The following PRR29 variants were observed in gnomAD, a reference collection of about 807,000 sequenced individuals.
The protein encoded by PRR29 is proline-rich protein 29.
PRR29 carries 20 observed loss-of-function variants against 25.1 expected under a neutral mutation model. The observed-to-expected ratio is 0.80, with a 90% confidence interval of 0.56 to 1.16. The LOEUF is 1.16. Among genes scored for constraint, PRR29 ranks in the 50% most tolerant of loss-of-function variants. PRR29 has a pLI of 0.00. For synonymous variants in PRR29, 108 were observed against 102.6 expected, an observed-to-expected ratio of 1.05 and a Z score of -0.32; for missense variants, 238 against 246.6, an observed-to-expected ratio of 0.97 and a Z score of 0.23.
chr17:64,000,460 G>A (rs1223750634), intron 3 of PRR29, among the ~76,000 whole-genome samples: 1 of 152,022 alleles, frequency 6.6e-6, no homozygotes, highest in Non-Finnish European at 1.5e-5. Flanking sequence ...CTCCCGAGTA[G>A]CTGGGACCAC....
At chr17:63,999,297 C>G in intron 3 of PRR29, 1 of 585,464 alleles carries the variant, frequency 1.7e-6, no homozygotes, top group Non-Finnish European at 3.0e-6. Flanking sequence ...GTCTTGTTTT[C>G]AAGGAGGTTT....
intron 4 of PRR29, 53 bp from the exon 5 acceptor site, chr17:64,001,414 C>CAG: frequency 6.7e-7 from 1 of 1,495,178 alleles, no homozygotes; most frequent in Non-Finnish European, 9.0e-7. Flanking sequence ...GGTGAAACTC[C>CAG]AGAGGCCACC....
In PRR29 at chr17:64,001,490, C is replaced by G; in HGVS notation, c.494C>G (p.Pro165Arg). ...AGGAGAGCTGTGCCCCCACCCCCAC[C>G]CCCCAGTGCCACAGGGACTGTGGGT... ...REVRAVPPPP[P>R]PSATGTVGAD... Residue 165 changes from proline (P) to arginine (R), a missense_variant, in exon 5 of 6, where the codon CCC becomes CGC. Coordinates refer to ENST00000412177, the MANE Select transcript of PRR29 (RefSeq NM_001164257.2). 1 of 1,483,238 alleles carries G rather than the reference C, an allele frequency of 6.7e-7. No homozygotes were observed. 91.9% of individuals were successfully genotyped at this position (1,483,238 alleles called of 1,614,324 possible). A position where few individuals can be genotyped will look rare whatever the true frequency, so the allele number is the denominator to read the frequency against.
At chr17:64,000,294 G>C (rs982493074) in intron 3 of PRR29, among the ~76,000 whole-genome samples, 1 of 152,144 alleles carries the variant, frequency 6.6e-6, no homozygotes, top group Non-Finnish European at 1.5e-5. Context: ...TGTAGTAAAC[G>C]CTCAATAAAC....
At chr17:63,998,560 G>T in intron 1 of PRR29, 136 bp downstream of exon 1, 1 of 1,140,782 alleles carries the variant, frequency 8.8e-7, no homozygotes, top group Non-Finnish European at 1.2e-6. Flanking sequence ...AAGAGGCGTG[G>T]CAGGGAGCAG....
chr17:64,002,043 C>A lies in PRR29; in HGVS notation c.*282C>A. ...CCCGCCTCTGCCCCACTGCTTCCTG[C>A]CTGGAGCAGGGGGAGGCCTGGGAAC... On this transcript the variant is annotated 3_prime_UTR_variant, in exon 6 of 6. Transcript: ENST00000412177. 2 of 1,493,760 alleles carry A rather than the reference C, an allele frequency of 1.3e-6. No individual in the cohort carries two copies. The highest frequency in any genetic ancestry group is 1.8e-6 in the Non-Finnish European group (2 of 1,114,742). 92.5% of individuals were successfully genotyped at this position (1,493,760 alleles called of 1,614,324 possible).
Position 64,002,167 on chromosome 17 carries a change from C to A in PRR29, c.*406C>A. On this transcript the variant is annotated 3_prime_UTR_variant, in exon 6 of 6. Transcript: ENST00000412177. Reference sequence around the variant, plus strand: ...AGAGGGGAGGGGGGGATTCCTTCTGCTTTCCACAGCTTTGAAGGCCCCTTT... The same window carrying A: ...AGAGGGGAGGGGGGGATTCCTTCTGATTTCCACAGCTTTGAAGGCCCCTTT... 1.4e-6 allele frequency: 1 copy of A among 732,690 alleles called. No homozygotes were observed. The highest frequency in any genetic ancestry group is 2.2e-6 in the Non-Finnish European group (1 of 458,158). 45.4% of individuals were successfully genotyped at this position (732,690 alleles called of 1,614,324 possible).
rs368636050 is a variant in PRR29, at chr17:64,002,860, C to G, written c.*1099C>G. The G allele has an allele frequency of 3.1e-6, 5 of 1,613,802 alleles. No individual in the cohort carries two copies. Among genetic ancestry groups the G allele is most frequent in the Middle Eastern group, 1.6e-4 (1 of 6,084 alleles). On this transcript the variant is annotated 3_prime_UTR_variant, in exon 6 of 6. Transcript: ENST00000412177. ...ATGAAGCAGAGCAGGACAGATGTCACGAACAGGGACAGCAACACCGACACC... is the reference window on the plus strand; with the variant it reads ...ATGAAGCAGAGCAGGACAGATGTCAGGAACAGGGACAGCAACACCGACACC...
rs1464485319 is a variant in PRR29 at position 64,001,879 on chromosome 17, T to G, written c.*118T>G. On this transcript the variant is annotated 3_prime_UTR_variant, in exon 6 of 6. Coordinates refer to ENST00000412177, the MANE Select transcript of PRR29 (RefSeq NM_001164257.2). Reference sequence around the variant, plus strand: ...GCCCATGGCTGGCAGTCCTTCTCACTCCCTCAACCTCAGCCAGGCCCTCTT... The same window carrying G: ...GCCCATGGCTGGCAGTCCTTCTCACGCCCTCAACCTCAGCCAGGCCCTCTT... 6 of 1,536,574 alleles carry G rather than the reference T, an allele frequency of 3.9e-6. No homozygotes were observed. Among genetic ancestry groups the G allele is most frequent in the Non-Finnish European group, 5.2e-6 (6 of 1,146,844 alleles).
chr17:64,003,144 C>A lies in PRR29; in HGVS notation c.*1383C>A. The A allele has an allele frequency of 1.8e-6, 1 of 550,754 alleles. No individual in the cohort carries two copies. Among genetic ancestry groups the A allele is most frequent in the Non-Finnish European group, 3.3e-6 (1 of 307,512 alleles). 34.1% of individuals were successfully genotyped at this position (550,754 alleles called of 1,614,324 possible). ...CCCAGGGCTCAGGCTACCAGCTGGA[C>A]TTCTGTGTGGCTGTGAGGGCAGATG... On this transcript the variant is annotated 3_prime_UTR_variant, in exon 6 of 6. Coordinates refer to ENST00000412177, the MANE Select transcript of PRR29 (RefSeq NM_001164257.2).
rs1221010686 is a variant in PRR29 at position 63,998,706 on chromosome 17, G to A, written c.61-1G>A. 6 of 1,480,932 alleles carry A rather than the reference G, an allele frequency of 4.1e-6. No homozygotes were observed. The highest frequency in any genetic ancestry group is 4.5e-6 in the Non-Finnish European group (5 of 1,119,982). 91.7% of individuals were successfully genotyped at this position (1,480,932 alleles called of 1,614,324 possible). ...CTGGCTGACTCCGCGCACACCCCCA[G>A]CCCTGGGTCACCTTCCTGCAGCCCC... is the stretch of plus-strand genomic sequence containing the variant. On this transcript the variant is annotated splice_acceptor_variant, in intron 1 of 5. Coordinates refer to ENST00000412177, the MANE Select transcript of PRR29 (RefSeq NM_001164257.2). LOFTEE classifies it high-confidence loss of function.
In PRR29 at chr17:64,004,192, A is replaced by G. The variant is rs1197769838; in HGVS notation, c.*2431A>G. On this transcript the variant is annotated 3_prime_UTR_variant, in exon 6 of 6. Transcript: ENST00000412177. ...CCGGTGACCAGGTGTCTACAAGGAC[A>G]AGGTTCAGAAATTGTACAGCCAACT... The G allele has an allele frequency of 7.5e-6, 4 of 534,500 alleles. No homozygotes were observed. The African/African-American group carries it at 7.5e-5, about 10-fold the overall frequency. 33.1% of individuals were successfully genotyped at this position (534,500 alleles called of 1,614,324 possible). A position where few individuals can be genotyped will look rare whatever the true frequency, so the allele number is the denominator to read the frequency against.
At chr17:63,998,685 C>G in intron 1 of PRR29, 22 bp from the exon 2 acceptor site, 1 of 1,459,390 alleles carries the variant, frequency 6.9e-7, no homozygotes, top group Non-Finnish European at 9.2e-7. Flanking sequence ...CCCCACCTGG[C>G]TGACTCCGCG....
At chr17:63,999,437 A>G in intron 3 of PRR29, 1 of 304,432 alleles carries the variant, frequency 3.3e-6, no homozygotes. Context: ...TATTTGTTGA[A>G]CGAGTGAATG....
intron 1 of PRR29, 141 bp downstream of exon 1, chr17:63,998,565 G>A (rs2143094297): frequency 1.7e-6 from 2 of 1,153,120 alleles, no homozygotes. Flanking sequence ...GCGTGGCAGG[G>A]AGCAGGGAGG....
Position 64,004,136 on chromosome 17 carries a change from C to G in PRR29, c.*2375C>G. ...GCAGCAGTTGAGGATGGAGGCTGGA[C>G]TGTGTGGTAGTTTTACAGACATGAT... is the stretch of plus-strand genomic sequence containing the variant. On this transcript the variant is annotated 3_prime_UTR_variant, in exon 6 of 6. Coordinates refer to ENST00000412177, the MANE Select transcript of PRR29 (RefSeq NM_001164257.2). 1.7e-6 allele frequency: 1 copy of G among 595,458 alleles called. No individual in the cohort carries two copies. The highest frequency in any genetic ancestry group is 2.8e-5 in the East Asian group (1 of 36,060). The allele number at this position is 595,458 out of a possible 1,614,324, so 36.9% of individuals were successfully genotyped here.
At position 64,002,916 on chromosome 17, in the gene PRR29, G is replaced by A. The variant is rs752562997; in HGVS notation, c.*1155G>A. The A allele has an allele frequency of 5.0e-6, 8 of 1,613,212 alleles. No homozygotes were observed. Among genetic ancestry groups the A allele is most frequent in the Non-Finnish European group, 6.8e-6 (8 of 1,179,668 alleles). On this transcript the variant is annotated 3_prime_UTR_variant, in exon 6 of 6. Transcript: ENST00000412177. ...GACTATGATGACCATCTGGCTGTCC[G>A]ACACAGGCTCTGGGGAGGGAGGGGG...
Position 63,998,546 on chromosome 17 carries a change from G to C in PRR29, c.60+122G>C. 4 of 1,237,268 alleles carry C rather than the reference G, an allele frequency of 3.2e-6. No homozygotes were observed. In the South Asian group the frequency reaches 6.1e-5, roughly 19 times the overall value. The allele number at this position is 1,237,268 out of a possible 1,614,324, so 76.6% of individuals were successfully genotyped here. A position where few individuals can be genotyped will look rare whatever the true frequency, so the allele number is the denominator to read the frequency against. The stretch of plus-strand genomic sequence containing the variant: ...ACGAGGAGAGACAGCCCCAAACCGA[G>C]AGGAAGAGGCGTGGCAGGGAGCAGG... On this transcript the variant is annotated intron_variant, in intron 1 of 5. Transcript: ENST00000412177.
Position 64,002,786 on chromosome 17 carries a change from T to C in PRR29, c.*1025T>C. The C allele has an allele frequency of 6.2e-7, 1 of 1,613,288 alleles. No individual in the cohort carries two copies. The highest frequency in any genetic ancestry group is 8.5e-7 in the Non-Finnish European group (1 of 1,179,968). ...CCTGGGGCAGCCTCCTCCAAGCCGC[T>C]CGCACCCCGTAGGTGCCCATCCGCT... On this transcript the variant is annotated 3_prime_UTR_variant, in exon 6 of 6. Transcript: ENST00000412177.
Sources: gnomAD v4.1 joint callset for allele counts (sites outside exome capture counted in the v4.1 genomes callset) on GRCh38, gnomAD v4.1.1 for gene constraint, MANE v1.5 for transcripts, NCBI Gene and HGNC (gene_info 2026-07-23, HGNC 2026-07-21) for gene names.